The following UBE2U variants were observed in gnomAD, a reference collection of about 807,000 sequenced individuals.
UBE2U encodes ubiquitin-conjugating enzyme E2 U.
A neutral mutation model predicts 41.2 loss-of-function variants in UBE2U; 39 were observed. The ratio of observed to expected loss-of-function variants is 0.95; its 90% CI spans 0.73 to 1.24. UBE2U has a LOEUF of 1.24. UBE2U is among the 50% of genes most tolerant of loss of function. The pLI is 0.00. For synonymous variants in UBE2U, 107 were observed against 117.8 expected (o/e 0.91, Z 0.60); for missense variants, 336 against 363.1 (o/e 0.93, Z 0.61).
chr1:64,266,375 G>A (rs932207435), intron 9 of UBE2U, among the ~76,000 whole-genome samples: 1 of 152,154 alleles, frequency 6.6e-6, no homozygotes, highest in Non-Finnish European at 1.5e-5. Context: ...GATCTGGGAC[G>A]AGTCTTGTTA....
intron 4 of UBE2U, among the ~76,000 whole-genome samples, chr1:64,213,289 G>C (rs536452049): frequency 6.6e-6 from 1 of 152,244 alleles, no homozygotes; most frequent in South Asian, 2.1e-4. Flanking sequence ...AGTTACCTTA[G>C]AAATGGTCAG....
rs532496117 is a variant in UBE2U, at chr1:64,230,264, G to A, written c.507-2297G>A. Among the ~76,000 whole-genome samples the A allele has an allele frequency of 3.9e-5, 6 of 152,160 alleles. No homozygotes were observed. The South Asian group carries it at 1.2e-3, about 32-fold the overall frequency. On this transcript the variant is annotated intron_variant, in intron 6 of 9. Transcript: ENST00000371077. ...TAATCTCCCTTCTATACTCCACCCTGCTTATTACTTTCAAGGAAAAGTCTT... is the reference window on the plus strand; with the variant it reads ...TAATCTCCCTTCTATACTCCACCCTACTTATTACTTTCAAGGAAAAGTCTT...
At chr1:64,204,563 C>A (rs1651169782) in intron 1 of UBE2U, among the ~76,000 whole-genome samples, 2 of 152,142 alleles carry the variant, frequency 1.3e-5, no homozygotes, top group South Asian at 4.1e-4. Context: ...TCCTGTGTTC[C>A]ACTGCTTACT....
intron 6 of UBE2U, among the ~76,000 whole-genome samples, chr1:64,223,914 G>A (rs530041517): frequency 6.6e-6 from 1 of 152,152 alleles, no homozygotes; most frequent in African/African-American, 2.4e-5. Flanking sequence ...CTGACACAGG[G>A]GAATGCATTT....
chr1:64,238,796 C>G (rs1329004228), intron 7 of UBE2U, among the ~76,000 whole-genome samples: 1 of 152,008 alleles, frequency 6.6e-6, no homozygotes, highest in Non-Finnish European at 1.5e-5. Context: ...AATCCCAACA[C>G]TTTGGGAGGC....
intron 4 of UBE2U, among the ~76,000 whole-genome samples, chr1:64,212,558 C>T (rs1377762615): frequency 4.6e-5 from 7 of 152,110 alleles, no homozygotes; most frequent in East Asian, 1.9e-4. Context: ...GTAAAGAATT[C>T]GGAACTGTGC....
intron 7 of UBE2U, among the ~76,000 whole-genome samples, chr1:64,235,458 A>T (rs1644647917): frequency 6.6e-6 from 1 of 152,220 alleles, no homozygotes; most frequent in Admixed American, 6.5e-5. Flanking sequence ...TTGATAGTTC[A>T]GCTGGATGAG....
At chr1:64,264,872 C>T (rs1645231826) in intron 9 of UBE2U, among the ~76,000 whole-genome samples, 1 of 152,066 alleles carries the variant, frequency 6.6e-6, no homozygotes, top group African/African-American at 2.4e-5. Flanking sequence ...ATCACTTGAT[C>T]CCAGGAGGCA....
chr1:64,248,260 C>T (rs767580979), intron 8 of UBE2U, among the ~76,000 whole-genome samples: 16 of 152,104 alleles, frequency 1.1e-4, no homozygotes, highest in East Asian at 1.9e-4. Flanking sequence ...CAGAGAAATA[C>T]GATACATGGG....
At chr1:64,210,676 G>T in intron 3 of UBE2U, 66 bp from the exon 4 acceptor site, 1 of 1,071,586 alleles carries the variant, frequency 9.3e-7, no homozygotes, top group Non-Finnish European at 1.3e-6. Context: ...TTATCATTTT[G>T]ATGTTTGTAA....
intron 2 of UBE2U, among the ~76,000 whole-genome samples, chr1:64,206,226 G>A (rs543659247): frequency 4.1e-4 from 62 of 152,178 alleles, no homozygotes; most frequent in African/African-American, 1.4e-3. Context: ...CTTGAGTGAG[G>A]TAGGGGAGAC....
rs1190895928 is a variant in UBE2U at position 64,221,913 on chromosome 1, G to GCCA, written c.506+1006_506+1007insCCA. ...CATCCTGGCTAACATGGTGAAACCTGTCTCTACTAAAAAATACAAAAAAAT... is the reference window on the plus strand; with the variant it reads ...CATCCTGGCTAACATGGTGAAACCTGCCATCTCTACTAAAAAATACAAAAAAAT... On this transcript the variant is annotated intron_variant, in intron 6 of 9. Coordinates refer to ENST00000371077, the MANE Select transcript of UBE2U (RefSeq NM_001366232.2). Among the ~76,000 whole-genome samples, 17 of 152,002 alleles carry GCCA rather than the reference G, an allele frequency of 1.1e-4. No individual in the cohort carries two copies. The East Asian group carries it at 1.2e-3, about 10-fold the overall frequency.
At chr1:64,244,344 G>T (rs1175007593) in intron 8 of UBE2U, 2 of 822,946 alleles carry the variant, frequency 2.4e-6, no homozygotes, top group Non-Finnish European at 3.0e-6. Context: ...ATAAAAATGT[G>T]TATATTATAT....
At chr1:64,212,053 TA>T (rs1651697591) in intron 4 of UBE2U, among the ~76,000 whole-genome samples, 1 of 152,226 alleles carries the variant, frequency 6.6e-6, no homozygotes. Flanking sequence ...GCATACTAAG[TA>T]AAATATAATC....
intron 1 of UBE2U, among the ~76,000 whole-genome samples, 161 bp from the exon 2 acceptor site, chr1:64,205,478 A>G (rs1249760178): frequency 6.6e-6 from 1 of 152,220 alleles, no homozygotes; most frequent in Non-Finnish European, 1.5e-5. Context: ...CTTCCGTGAA[A>G]TAAGACATGT....
chr1:64,253,037 T>A (rs1449492962), intron 8 of UBE2U, among the ~76,000 whole-genome samples: 2 of 152,134 alleles, frequency 1.3e-5, no homozygotes, highest in African/African-American at 4.8e-5. Context: ...CAGAAGATGA[T>A]AACCAGAATA....
intron 2 of UBE2U, among the ~76,000 whole-genome samples, chr1:64,206,004 A>G (rs925943554): frequency 2.6e-5 from 4 of 152,218 alleles, no homozygotes; most frequent in Non-Finnish European, 4.4e-5. Context: ...ACAATAGAGC[A>G]TATCAATTGA....
chr1:64,260,796 G>A, intron 9 of UBE2U, 102 bp downstream of exon 9: 1 of 872,252 alleles, frequency 1.1e-6, no homozygotes, highest in South Asian at 1.8e-5. Context: ...TGGAATATAT[G>A]AGGGCTAATC....
intron 8 of UBE2U, among the ~76,000 whole-genome samples, chr1:64,257,908 A>C (rs1645120166): frequency 6.6e-6 from 1 of 152,132 alleles, no homozygotes; most frequent in Non-Finnish European, 1.5e-5. Flanking sequence ...GGAGATTTTC[A>C]CACATTGAAA....
Sources: gnomAD v4.1 joint callset for allele counts (sites outside exome capture counted in the v4.1 genomes callset) on GRCh38, gnomAD v4.1.1 for gene constraint, MANE v1.5 for transcripts, NCBI Gene and HGNC (gene_info 2026-07-23, HGNC 2026-07-21) for gene names.